FAM200C: variants seen among roughly 807,000 people sequenced by gnomAD.
At chr5:160,396,044 T>C in the FAM200C span, among the ~76,000 whole-genome samples, 1 of 152,192 alleles carries the variant, frequency 6.6e-6, no homozygotes, top group Non-Finnish European at 1.5e-5. Flanking sequence ...AATTTTGTTA[T>C]ATGCATAGAC....
At chr5:160,393,502 G>A in the FAM200C span, 1 of 567,488 alleles carries the variant, frequency 1.8e-6, no homozygotes. Flanking sequence ...AAAATCTCAT[G>A]ATAGCAACTA....
At chr5:160,394,892 ATC>A in the FAM200C span, 4 of 1,612,670 alleles carry the variant, frequency 2.5e-6, no homozygotes, top group East Asian at 2.2e-5. Flanking sequence ...TTCTTCTACG[ATC>A]TCTCTTTCTT....
chr5:160,398,524 T>G, the FAM200C span, among the ~76,000 whole-genome samples: 1 of 152,124 alleles, frequency 6.6e-6, no homozygotes, highest in Non-Finnish European at 1.5e-5. Context: ...GGTGACGGAG[T>G]GAGACTCTGT....
At chr5:160,395,067 A>G in the FAM200C span, 9 of 1,614,084 alleles carry the variant, frequency 5.6e-6, no homozygotes, top group East Asian at 2.0e-4. Context: ...ACATCATCTG[A>G]TAAGGGTACC....
At chr5:160,396,321 T>G in the FAM200C span, among the ~76,000 whole-genome samples, 3 of 152,172 alleles carry the variant, frequency 2.0e-5, no homozygotes, top group Non-Finnish European at 1.5e-5. Flanking sequence ...GACTCCAACT[T>G]AGGCAGAGAA....
the FAM200C span, chr5:160,395,475 T>C: frequency 9.3e-6 from 15 of 1,613,776 alleles, no homozygotes; most frequent in Non-Finnish European, 1.2e-5. Flanking sequence ...TCATCCCATT[T>C]GCGTTTCTTC....
the FAM200C span, chr5:160,394,224 T>C: frequency 1.2e-6 from 2 of 1,611,930 alleles, no homozygotes; most frequent in Non-Finnish European, 1.7e-6. Context: ...TTGGTAAAAT[T>C]TCTTTTCTCA....
At chr5:160,396,736 C>A in the FAM200C span, among the ~76,000 whole-genome samples, 1 of 147,430 alleles carries the variant, frequency 6.8e-6, no homozygotes. Flanking sequence ...ACAACTTGCT[C>A]AGGGGAAACA....
chr5:160,394,760 C>T, the FAM200C span: 1 of 1,613,898 alleles, frequency 6.2e-7, no homozygotes, highest in Admixed American at 1.7e-5. Flanking sequence ...AGAGGAGGCA[C>T]CATCAGTACA....
the FAM200C span, chr5:160,393,765 C>CATCATTTT: frequency 6.4e-7 from 1 of 1,561,272 alleles, no homozygotes; most frequent in South Asian, 1.2e-5. Flanking sequence ...AAACGAGGAA[C>CATCATTTT]TTTTTTTGAA....
At chr5:160,395,450 T>C in the FAM200C span, 3 of 1,614,044 alleles carry the variant, frequency 1.9e-6, no homozygotes, top group East Asian at 2.2e-5. Context: ...GGTGAACCAG[T>C]AGCGAACATA....
chr5:160,394,770 A>C, the FAM200C span: 2 of 1,614,102 alleles, frequency 1.2e-6, no homozygotes, highest in East Asian at 2.2e-5. Flanking sequence ...CCATCAGTAC[A>C]AACAGAGCCA....
the FAM200C span, chr5:160,395,473 T>C: frequency 6.2e-7 from 1 of 1,613,704 alleles, no homozygotes; most frequent in African/African-American, 1.3e-5. Flanking sequence ...CATCATCCCA[T>C]TTGCGTTTCT....
chr5:160,396,191 T>C, the FAM200C span, among the ~76,000 whole-genome samples: 4 of 144,198 alleles, frequency 2.8e-5, no homozygotes, highest in Non-Finnish European at 4.6e-5. Flanking sequence ...CATCACTCCA[T>C]TATCCACGTC....
chr5:160,398,775 C>A, the FAM200C span, among the ~76,000 whole-genome samples: 1 of 152,294 alleles, frequency 6.6e-6, no homozygotes, highest in Admixed American at 6.5e-5. Flanking sequence ...TAGAACCTCA[C>A]AATTTGCACT....
the FAM200C span, chr5:160,394,637 G>A: frequency 2.5e-6 from 4 of 1,614,012 alleles, no homozygotes; most frequent in South Asian, 4.4e-5. Context: ...CCTCAGTTTT[G>A]TAGGCAATGT....
chr5:160,395,480 T>C, the FAM200C span: 8 of 1,613,504 alleles, frequency 5.0e-6, no homozygotes, highest in Non-Finnish European at 6.8e-6. Flanking sequence ...CCATTTGCGT[T>C]TCTTCGACAT....
At chr5:160,394,807 C>T in the FAM200C span, 1 of 1,613,952 alleles carries the variant, frequency 6.2e-7, no homozygotes, top group Non-Finnish European at 8.5e-7. Flanking sequence ...TCTTATGCTT[C>T]AGAAAGAAGT....
At chr5:160,394,242 TTTGCC>T in the FAM200C span, 1 of 1,612,790 alleles carries the variant, frequency 6.2e-7, no homozygotes, top group Non-Finnish European at 8.5e-7. Flanking sequence ...TCAATTCGTT[TTTGCC>T]AAAATGGAAA....
Sources: allele counts gnomAD v4.1 joint callset (sites outside exome capture counted in the v4.1 genomes callset), GRCh38; gene constraint gnomAD v4.1.1; transcripts MANE v1.5.